EPHA6: variants seen among roughly 807,000 people sequenced by gnomAD.
EPHA6 encodes the protein ephrin type-A receptor 6.
In EPHA6, 50 loss-of-function variants were observed where a neutral mutation model predicts 112.0. The ratio of observed to expected loss-of-function variants is 0.45; its 90% CI spans 0.36 to 0.56. The LOEUF (loss-of-function observed/expected upper bound fraction) is 0.56. Ranked by LOEUF, EPHA6 falls within the 20% of genes least tolerant of loss-of-function variation. The pLI, the probability that EPHA6 is intolerant of heterozygous loss-of-function variation, is 0.00. For synonymous variants in EPHA6, 529 were observed against 490.7 expected, an observed-to-expected ratio of 1.08 and a Z score of -1.03; for missense variants, 1,280 against 1,417.4, an observed-to-expected ratio of 0.90 and a Z score of 1.56.
rs751638948 is a variant in EPHA6, at chr3:97,646,189, A to T, written c.2784+8107A>T. 251 of 1,535,636 alleles carry T rather than the reference A, an allele frequency of 1.6e-4. 1 individual carries two copies. The African/African-American group carries it at 3.2e-3, about 20-fold the overall frequency. On this transcript the variant is annotated intron_variant, in intron 14 of 17. Transcript: ENST00000389672. Reference sequence around the variant, plus strand: ...GATGGTCTGGAAAGCTTGTGTGAGCAGTGCGAGTCCAGCTCTGGTTATGGT... The same window carrying T: ...GATGGTCTGGAAAGCTTGTGTGAGCTGTGCGAGTCCAGCTCTGGTTATGGT...
chr3:97,556,991 G>T (rs1000756149), intron 11 of EPHA6, among the ~76,000 whole-genome samples: 15 of 152,002 alleles, frequency 9.9e-5, no homozygotes, highest in African/African-American at 3.6e-4. Flanking sequence ...TTTTGTGTCT[G>T]CCCTCTATTA....
chr3:97,173,896 A>G (rs2076763350), intron 3 of EPHA6, among the ~76,000 whole-genome samples: 1 of 151,776 alleles, frequency 6.6e-6, no homozygotes, highest in South Asian at 2.1e-4. Context: ...CATTCCAGTT[A>G]CATTATTTAT....
chr3:97,667,475 G>C (rs1272810681), intron 14 of EPHA6, among the ~76,000 whole-genome samples: 1 of 152,074 alleles, frequency 6.6e-6, no homozygotes, highest in African/African-American at 2.4e-5. Context: ...TTACCATTCA[G>C]CATGGAAGGG....
chr3:97,233,453 GTCCAGCAAGAT>G (rs1377334201), intron 4 of EPHA6, among the ~76,000 whole-genome samples: 1 of 152,102 alleles, frequency 6.6e-6, no homozygotes, highest in Non-Finnish European at 1.5e-5. Context: ...TTCATGGTAA[GTCCAGCAAGAT>G]ATAGAACTTT....
chr3:97,724,119 C>T (rs146179733), intron 15 of EPHA6, among the ~76,000 whole-genome samples: 3,127 of 152,234 alleles, frequency 0.021, 45 homozygotes, highest in Non-Finnish European at 0.032. Flanking sequence ...TTTAACAAGG[C>T]TATTCATACA....
At chr3:97,485,546 G>T (rs1230556576) in intron 10 of EPHA6, among the ~76,000 whole-genome samples, 1 of 152,036 alleles carries the variant, frequency 6.6e-6, no homozygotes, top group Non-Finnish European at 1.5e-5. Context: ...GCATGGCTGG[G>T]TCTCCCTCTG....
intron 10 of EPHA6, among the ~76,000 whole-genome samples, chr3:97,498,330 CA>C (rs1297962805): frequency 0.11 from 6,323 of 58,448 alleles, 372 homozygotes; most frequent in African/African-American, 0.23. Context: ...AAGAAAATAG[CA>C]AAAAAAAAAA....
At chr3:97,290,333 T>G (rs2108683916) in intron 5 of EPHA6, among the ~76,000 whole-genome samples, 1 of 152,262 alleles carries the variant, frequency 6.6e-6, no homozygotes, top group Non-Finnish European at 1.5e-5. Flanking sequence ...TTTTTGAATC[T>G]ATTGACACTG....
intron 2 of EPHA6, among the ~76,000 whole-genome samples, chr3:96,942,133 CTCAA>C (rs2040992341): frequency 1.3e-5 from 2 of 152,200 alleles, no homozygotes; most frequent in Admixed American, 1.3e-4. Flanking sequence ...CACTACTCTC[CTCAA>C]AGCTGTCAGA....
At chr3:97,047,719 A>C (rs1386201991) in intron 3 of EPHA6, among the ~76,000 whole-genome samples, 1 of 152,002 alleles carries the variant, frequency 6.6e-6, no homozygotes, top group African/African-American at 2.4e-5. Flanking sequence ...GTAAAATAGT[A>C]GTACAGAGTA....
intron 5 of EPHA6, among the ~76,000 whole-genome samples, chr3:97,292,489 G>A (rs958263429): frequency 6.6e-6 from 1 of 152,244 alleles, no homozygotes; most frequent in Non-Finnish European, 1.5e-5. Context: ...ACAGCTCTCA[G>A]GAGACCTGAG....
At chr3:96,913,523 C>CA (rs2039338112) in intron 2 of EPHA6, among the ~76,000 whole-genome samples, 1 of 152,034 alleles carries the variant, frequency 6.6e-6, no homozygotes, top group Admixed American at 6.6e-5. Context: ...TTTCTAAACC[C>CA]AGTCATATCC....
chr3:96,935,725 T>TTA (rs201811538), intron 2 of EPHA6, among the ~76,000 whole-genome samples: 6 of 144,252 alleles, frequency 4.2e-5, no homozygotes, highest in Middle Eastern at 3.7e-3. Flanking sequence ...TATATATACA[T>TTA]TATATATATA....
intron 10 of EPHA6, among the ~76,000 whole-genome samples, chr3:97,517,829 A>G (rs1426122552): frequency 6.6e-6 from 1 of 152,058 alleles, no homozygotes; most frequent in Non-Finnish European, 1.5e-5. Context: ...TAAATTCCAC[A>G]TCGGAGATCA....
chr3:96,874,069 G>A lies in EPHA6; in HGVS notation c.450+7180G>A, dbSNP rs546931447. 5.3e-5 allele frequency among the ~76,000 whole-genome samples: 8 copies of A among 152,174 alleles called. No individual in the cohort carries two copies. The South Asian group carries it at 1.7e-3, about 32-fold the overall frequency. ...CAAAGCCAAGACTTTAGTCATTACG[G>A]TATAGCTATAACCACAAATTGATTT... On this transcript the variant is annotated intron_variant, in intron 2 of 17. Transcript: ENST00000389672.
intron 13 of EPHA6, among the ~76,000 whole-genome samples, chr3:97,627,450 A>G (rs2093867626): frequency 6.6e-6 from 1 of 151,828 alleles, no homozygotes. Context: ...AAGGTAAGGG[A>G]GCAAATAAAG....
intron 3 of EPHA6, among the ~76,000 whole-genome samples, chr3:97,222,864 G>A (rs2108537301): frequency 6.6e-6 from 1 of 152,294 alleles, no homozygotes; most frequent in East Asian, 1.9e-4. Flanking sequence ...AATTACCAAG[G>A]CTAACTAATG....
intron 1 of EPHA6, among the ~76,000 whole-genome samples, chr3:96,863,071 GC>G (rs2036100039): frequency 6.6e-6 from 1 of 151,608 alleles, no homozygotes; most frequent in Non-Finnish European, 1.5e-5. Context: ...TTATTTTATT[GC>G]CCCCAGGCTA....
At chr3:96,821,149 C>T (rs73848351) in intron 1 of EPHA6, among the ~76,000 whole-genome samples, 11,810 of 151,750 alleles carry the variant, frequency 0.078, 830 homozygotes, top group Admixed American at 0.23. Flanking sequence ...AAGTAAACAA[C>T]GGTAAATTTT....
Sources: allele counts gnomAD v4.1 joint callset (sites outside exome capture counted in the v4.1 genomes callset), GRCh38; gene constraint gnomAD v4.1.1; transcripts MANE v1.5; gene names NCBI Gene and HGNC (gene_info 2026-07-23, HGNC 2026-07-21).